Variants in SCEL observed in about 807,000 individuals in gnomAD.
SCEL encodes sciellin.
In SCEL, 113 loss-of-function variants were observed where a neutral mutation model predicts 117.6. That is an observed-to-expected ratio of 0.96 (90% CI 0.83 to 1.12). The LOEUF is 1.12. SCEL is among the 50% of genes most tolerant of loss of function. The pLI, the probability that SCEL is intolerant of heterozygous loss-of-function variation, is 0.00. For synonymous variants in SCEL, 270 were observed against 256.2 expected (o/e 1.05, Z -0.51); for missense variants, 785 against 810.8 (o/e 0.97, Z 0.39).
At chr13:77,613,637 C>T (rs2088824934) in intron 23 of SCEL, among the ~76,000 whole-genome samples, 1 of 151,916 alleles carries the variant, frequency 6.6e-6, no homozygotes, top group Admixed American at 6.6e-5. Context: ...AGGTATCTGG[C>T]CCCAGGGAGT....
chr13:77,568,571 C>A (rs1423893369), intron 7 of SCEL, among the ~76,000 whole-genome samples: 1 of 152,106 alleles, frequency 6.6e-6, no homozygotes, highest in East Asian at 1.9e-4. Flanking sequence ...CTTAGATCAT[C>A]CTTTCTTTCT....
chr13:77,541,568 A>G (rs943887956), intron 1 of SCEL, among the ~76,000 whole-genome samples: 1 of 152,238 alleles, frequency 6.6e-6, no homozygotes, highest in Non-Finnish European at 1.5e-5. Context: ...ACATTGATAA[A>G]TAAAATGAGA....
At chr13:77,563,157 CCT>C (rs780047318) in intron 4 of SCEL, among the ~76,000 whole-genome samples, 23 of 152,040 alleles carry the variant, frequency 1.5e-4, no homozygotes, top group Non-Finnish European at 3.2e-4. Flanking sequence ...GTCTTGCTCT[CCT>C]CTCTTTGCCC....
chr13:77,635,713 C>G (rs982690706), intron 29 of SCEL, among the ~76,000 whole-genome samples: 1 of 152,118 alleles, frequency 6.6e-6, no homozygotes, highest in African/African-American at 2.4e-5. Flanking sequence ...CTAAAGCATA[C>G]TTATTTTATT....
At chr13:77,637,012 A>G in intron 29 of SCEL, 108 bp from the exon 30 acceptor site, 1 of 526,978 alleles carries the variant, frequency 1.9e-6, no homozygotes, top group Non-Finnish European at 3.4e-6. Flanking sequence ...CTTGTAACAT[A>G]CACAAAGATA....
At chr13:77,564,158 G>A (rs1195012377) in intron 5 of SCEL, among the ~76,000 whole-genome samples, 2 of 150,998 alleles carry the variant, frequency 1.3e-5, no homozygotes, top group Non-Finnish European at 2.9e-5. Flanking sequence ...CAGCTAGGGT[G>A]GGTACTGTGC....
intron 5 of SCEL, among the ~76,000 whole-genome samples, chr13:77,564,964 C>A (rs189089445): frequency 2.0e-5 from 3 of 152,134 alleles, no homozygotes; most frequent in Non-Finnish European, 4.4e-5. Flanking sequence ...ATCTCCACAG[C>A]GGTGCATAGA....
chr13:77,610,177 G>A (rs887927653), intron 22 of SCEL, 71 bp downstream of exon 22: 21 of 1,139,606 alleles, frequency 1.8e-5, no homozygotes, highest in Admixed American at 1.0e-4. Context: ...ATGACAAATT[G>A]TGCGGTGGCT....
intron 27 of SCEL, among the ~76,000 whole-genome samples, chr13:77,624,819 A>G (rs1020508451): frequency 3.3e-5 from 5 of 152,204 alleles, no homozygotes; most frequent in African/African-American, 1.2e-4. Flanking sequence ...CTTAAAGGTT[A>G]ATGGTCTAGG....
Position 77,627,933 on chromosome 13 carries a change from A to T in SCEL, c.1629-14A>T, listed in dbSNP as rs367888060. ...ATGTTGTAATTATTCATATATATAT[A>T]TTTTTTTCCTTAGAGACCAGAACCT... On this transcript the variant is annotated splice_polypyrimidine_tract_variant and intron_variant, in intron 27 of 32. Transcript: ENST00000349847. 185 of 1,198,154 alleles carry T rather than the reference A, an allele frequency of 1.5e-4. 1 individual carries two copies. Among genetic ancestry groups the T allele is most frequent in the African/African-American group, 7.5e-4 (49 of 65,576 alleles). 74.2% of individuals were successfully genotyped at this position (1,198,154 alleles called of 1,614,324 possible). A position where few individuals can be genotyped will look rare whatever the true frequency, so the allele number is the denominator to read the frequency against.
chr13:77,608,182 A>G, intron 20 of SCEL, 67 bp downstream of exon 20: 1 of 1,289,168 alleles, frequency 7.8e-7, no homozygotes, highest in Non-Finnish European at 1.1e-6. Flanking sequence ...AGGAAAGAAG[A>G]TGTGTTGAAA....
chr13:77,606,611 A>G (rs997658395), intron 19 of SCEL: 3 of 152,182 alleles, frequency 2.0e-5, no homozygotes, highest in African/African-American at 4.8e-5. Flanking sequence ...GAGTAGAGTG[A>G]TTGCTTCTGT....
chr13:77,580,048 T>C (rs959931584), intron 9 of SCEL, among the ~76,000 whole-genome samples: 5 of 152,236 alleles, frequency 3.3e-5, no homozygotes, highest in African/African-American at 1.2e-4. Context: ...TGTCTTTTAA[T>C]GTAAGACACT....
chr13:77,601,990 GA>G, intron 15 of SCEL, 74 bp from the exon 16 acceptor site: 1 of 1,146,438 alleles, frequency 8.7e-7, no homozygotes, highest in East Asian at 2.5e-5. Flanking sequence ...TTGTCATTAC[GA>G]GAGTCTGAAT....
rs946860265 is a variant in SCEL at position 77,535,801 on chromosome 13, G to A, written c.-43G>A. 3 of 152,194 alleles carry A rather than the reference G, an allele frequency of 2.0e-5. No individual in the cohort carries two copies. The highest frequency in any genetic ancestry group is 4.4e-5 in the Non-Finnish European group (3 of 68,036). 9.4% of individuals were successfully genotyped at this position (152,194 alleles called of 1,614,324 possible). A position where few individuals can be genotyped will look rare whatever the true frequency, so the allele number is the denominator to read the frequency against. On this transcript the variant is annotated 5_prime_UTR_variant, in exon 1 of 33. Transcript: ENST00000349847. ...TCACTACAGGCTGGTTAGCCAAAAA[G>A]TCCTGATTTTCTGCTCAATAGAGGT...
intron 21 of SCEL, among the ~76,000 whole-genome samples, chr13:77,609,409 G>A (rs1373904283): frequency 6.6e-6 from 1 of 152,162 alleles, no homozygotes; most frequent in Admixed American, 6.5e-5. Context: ...TGACACAGTA[G>A]AGGGGAAAGA....
intron 15 of SCEL, among the ~76,000 whole-genome samples, chr13:77,600,253 C>A (rs987609760): frequency 2.0e-5 from 3 of 152,002 alleles, no homozygotes. Context: ...CCCAGCCTTC[C>A]GAGTAGCTGG....
At chr13:77,636,213 G>T (rs577141292) in intron 29 of SCEL, among the ~76,000 whole-genome samples, 50 of 152,232 alleles carry the variant, frequency 3.3e-4, no homozygotes, top group African/African-American at 1.1e-3. Context: ...TTTCCTAACC[G>T]TGTAGCCCTA....
At chr13:77,574,946 C>T (rs765731653) in intron 9 of SCEL, among the ~76,000 whole-genome samples, 1 of 152,118 alleles carries the variant, frequency 6.6e-6, no homozygotes, top group Admixed American at 6.5e-5. Flanking sequence ...ATTTTGCAAG[C>T]TTTTACTTTT....
Sources: gnomAD v4.1 joint callset for allele counts (sites outside exome capture counted in the v4.1 genomes callset) on GRCh38, gnomAD v4.1.1 for gene constraint, MANE v1.5 for transcripts, NCBI Gene and HGNC (gene_info 2026-07-23, HGNC 2026-07-21) for gene names.